The following INTS8 variants were observed in gnomAD, a reference collection of about 807,000 sequenced individuals.
The protein encoded by INTS8 is integrator complex subunit 8, also known as protein kaonashi-1.
A neutral mutation model predicts 138.9 loss-of-function variants in INTS8; 47 were observed. The ratio of observed to expected loss-of-function variants is 0.34; its 90% CI spans 0.27 to 0.43. The LOEUF is 0.43. Among genes scored for constraint, INTS8 ranks in the 20% least tolerant of loss-of-function variants. The pLI is 1.00. For synonymous variants in INTS8, 392 were observed against 400.9 expected (o/e 0.98, Z 0.27); for missense variants, 996 against 1,173.0 (o/e 0.85, Z 2.20).
Position 94,881,499 on chromosome 8 carries a change from G to T in INTS8, c.*1265G>T. 1.3e-6 allele frequency: 1 copy of T among 768,568 alleles called. No homozygotes were observed. The highest frequency in any genetic ancestry group is 2.0e-5 in the South Asian group (1 of 50,036). The allele number at this position is 768,568 out of a possible 1,614,324, so 47.6% of individuals were successfully genotyped here. A position where few individuals can be genotyped will look rare whatever the true frequency, so the allele number is the denominator to read the frequency against. ...GTGCCAATTGTAAGTTTTAAAATCA[G>T]AATGGCAGTGTAACTTGTGAATTGG... On this transcript the variant is annotated 3_prime_UTR_variant, in exon 27 of 27. Coordinates refer to ENST00000523731, the MANE Select transcript of INTS8 (RefSeq NM_017864.4).
At position 94,827,710 on chromosome 8, in the gene INTS8, T is replaced by C; in HGVS notation, c.447-12T>C. On this transcript the variant is annotated splice_polypyrimidine_tract_variant and intron_variant, in intron 3 of 26. Coordinates refer to ENST00000523731, the MANE Select transcript of INTS8 (RefSeq NM_017864.4). ...AATGTATGAAATTTTCTTTTTCCTG[T>C]CTTTTCTTCAGGGCAATTAGGACAA... 1.9e-6 allele frequency: 3 copies of C among 1,610,240 alleles called. No homozygotes were observed. In the South Asian group the frequency reaches 3.3e-5, roughly 18 times the overall value.
intron 6 of INTS8, among the ~76,000 whole-genome samples, chr8:94,834,765 T>A (rs748762693): frequency 1.3e-5 from 2 of 151,936 alleles, no homozygotes; most frequent in Non-Finnish European, 2.9e-5. Flanking sequence ...AAAGCAATGT[T>A]GTAGAGGCTA....
At chr8:94,841,987 T>A (rs1815151464) in intron 9 of INTS8, among the ~76,000 whole-genome samples, 1 of 151,616 alleles carries the variant, frequency 6.6e-6, no homozygotes, top group Non-Finnish European at 1.5e-5. Flanking sequence ...GAGAATCGCT[T>A]GAACCCAGGA....
At position 94,823,456 on chromosome 8, in the gene INTS8, G is replaced by C; in HGVS notation, c.25G>C (p.Glu9Gln). The C allele has an allele frequency of 6.5e-7, 1 of 1,542,494 alleles. No homozygotes were observed. Among genetic ancestry groups the C allele is most frequent in the South Asian group, 1.2e-5 (1 of 83,382 alleles). Residue 9 changes from glutamate to glutamine, a missense_variant, in exon 1 of 27, where the codon GAG becomes CAG. Transcript: ENST00000523731. MSAEAADR[E>Q]AATSSRPCTP... ...GATGAGCGCGGAGGCGGCGGACCGGGAGGCGGCCACCTCCAGCCGGCCCTG... is the reference window on the plus strand; with the variant it reads ...GATGAGCGCGGAGGCGGCGGACCGGCAGGCGGCCACCTCCAGCCGGCCCTG...
intron 5 of INTS8, among the ~76,000 whole-genome samples, chr8:94,829,490 G>A (rs933577664): frequency 6.6e-6 from 1 of 152,104 alleles, no homozygotes; most frequent in African/African-American, 2.4e-5. Context: ...TAATGCGAGC[G>A]ATGGGGAGCA....
chr8:94,829,150 TGG>T (rs1814619054), intron 5 of INTS8, 124 bp downstream of exon 5: 3 of 652,082 alleles, frequency 4.6e-6, no homozygotes, highest in South Asian at 1.6e-5. Flanking sequence ...GGATGTGGTG[TGG>T]GGGGCGGGGG....
chr8:94,856,863 T>C lies in INTS8; in HGVS notation c.1839T>C (p.Asn613=). ...FSPKLRQVML[N]EMLLLDIHTH... Reference sequence around the variant, plus strand: ...CGAAGCTTCGTCAGGTCATGCTGAATGAGATGTTGCTTTTGGATATTCATA... The same window carrying C: ...CGAAGCTTCGTCAGGTCATGCTGAACGAGATGTTGCTTTTGGATATTCATA... Residue 613 remains asparagine (N), a synonymous_variant, in exon 15 of 27, where the codon AAT becomes AAC. Coordinates refer to ENST00000523731, the MANE Select transcript of INTS8 (RefSeq NM_017864.4). 6.2e-7 allele frequency: 1 copy of C among 1,613,134 alleles called. No individual in the cohort carries two copies. The highest frequency in any genetic ancestry group is 8.5e-7 in the Non-Finnish European group (1 of 1,179,158).
rs144986084 is a variant in INTS8 at position 94,849,225 on chromosome 8, T to C, written c.1261-237T>C. Among the ~76,000 whole-genome samples, 850 of 152,254 alleles carry C rather than the reference T, an allele frequency of 5.6e-3. 10 individuals carry two copies. Among genetic ancestry groups the C allele is most frequent in the African/African-American group, 0.019 (794 of 41,556 alleles). ...AGAACTGTATAGCATGGTAACTAGG[T>C]TATTCTTTGCTACATGTATACACCT... is the stretch of plus-strand genomic sequence containing the variant. On this transcript the variant is annotated intron_variant, in intron 10 of 26. Coordinates refer to ENST00000523731, the MANE Select transcript of INTS8 (RefSeq NM_017864.4).
At chr8:94,872,235 T>A (rs1563671498) in intron 21 of INTS8, among the ~76,000 whole-genome samples, 1 of 141,606 alleles carries the variant, frequency 7.1e-6, no homozygotes, top group South Asian at 2.1e-4. Context: ...AAACAGTGAA[T>A]TTTTTTTTGT....
In INTS8 at chr8:94,847,201, A is replaced by C. The variant is rs533544081; in HGVS notation, c.1261-2261A>C. On this transcript the variant is annotated intron_variant, in intron 10 of 26. Coordinates refer to ENST00000523731, the MANE Select transcript of INTS8 (RefSeq NM_017864.4). Reference sequence around the variant, plus strand: ...ATTACAGGCACCCACCACCATGCCCAGCTAATTTTTTTGTAGTTTTATTAG... The same window carrying C: ...ATTACAGGCACCCACCACCATGCCCCGCTAATTTTTTTGTAGTTTTATTAG... 2.0e-4 allele frequency among the ~76,000 whole-genome samples: 31 copies of C among 152,176 alleles called. No individual in the cohort carries two copies. In the East Asian group the frequency reaches 5.6e-3, roughly 27 times the overall value.
intron 5 of INTS8, 132 bp downstream of exon 5, chr8:94,829,158 G>C: frequency 1.5e-6 from 1 of 671,916 alleles, no homozygotes; most frequent in Non-Finnish European, 2.6e-6. Context: ...TGTGGGGGGC[G>C]GGGGGCGAGG....
In INTS8 at chr8:94,881,509, G is replaced by GT. The variant is rs1391876516; in HGVS notation, c.*1276dup. The GT allele has an allele frequency of 1.2e-6, 1 of 854,444 alleles. No individual in the cohort carries two copies. Among genetic ancestry groups the GT allele is most frequent in the African/African-American group, 1.7e-5 (1 of 58,248 alleles). 52.9% of individuals were successfully genotyped at this position (854,444 alleles called of 1,614,324 possible). ...TAAGTTTTAAAATCAGAATGGCAGT[G>GT]TAACTTGTGAATTGGCTAGGGCAAT... On this transcript the variant is annotated 3_prime_UTR_variant, in exon 27 of 27. Coordinates refer to ENST00000523731, the MANE Select transcript of INTS8 (RefSeq NM_017864.4).
chr8:94,831,774 C>G (rs979301699), intron 5 of INTS8, among the ~76,000 whole-genome samples: 2 of 152,206 alleles, frequency 1.3e-5, no homozygotes, highest in Admixed American at 6.5e-5. Flanking sequence ...GCCACCATGC[C>G]TGGCCCTCCT....
chr8:94,839,879 G>A (rs1305587430), intron 8 of INTS8, among the ~76,000 whole-genome samples: 1 of 152,054 alleles, frequency 6.6e-6, no homozygotes, highest in African/African-American at 2.4e-5. Flanking sequence ...TTGGGTGACA[G>A]AGCAAGACCC....
intron 8 of INTS8, among the ~76,000 whole-genome samples, chr8:94,840,913 A>C (rs1022294928): frequency 3.8e-5 from 5 of 131,498 alleles, no homozygotes; most frequent in African/African-American, 8.6e-5. Flanking sequence ...GAGAATAATA[A>C]TTTTTTTTTT....
chr8:94,845,777 T>A (rs1018829982), intron 10 of INTS8, among the ~76,000 whole-genome samples: 5 of 152,220 alleles, frequency 3.3e-5, no homozygotes, highest in Admixed American at 6.5e-5. Context: ...TGCATTTTTA[T>A]GTGTCAACAT....
chr8:94,874,993 A>G (rs1816521350), intron 23 of INTS8, among the ~76,000 whole-genome samples: 1 of 152,284 alleles, frequency 6.6e-6, no homozygotes, highest in East Asian at 1.9e-4. Context: ...TGGCACCCTC[A>G]TATGTTGCTG....
chr8:94,825,181 C>T, intron 2 of INTS8, 114 bp downstream of exon 2: 2 of 705,444 alleles, frequency 2.8e-6, no homozygotes, highest in Non-Finnish European at 4.6e-6. Context: ...GGCGCCGTGG[C>T]TCACGCCTAT....
chr8:94,860,387 C>T (rs1346114229), intron 16 of INTS8: 3 of 151,494 alleles, frequency 2.0e-5, no homozygotes, highest in East Asian at 3.9e-4. Flanking sequence ...CAAGACCAGC[C>T]TGGCCAATAT....
Sources: gnomAD v4.1 joint callset for allele counts (sites outside exome capture counted in the v4.1 genomes callset) on GRCh38, gnomAD v4.1.1 for gene constraint, MANE v1.5 for transcripts, NCBI Gene and HGNC (gene_info 2026-07-23, HGNC 2026-07-21) for gene names.